Variants in TECPR2 observed in about 807,000 individuals in gnomAD.
TECPR2 encodes the protein tectonin beta-propeller repeat-containing protein 2.
Under a neutral mutation model 138.1 loss-of-function variants are expected in TECPR2, and 65 were observed. That is an observed-to-expected ratio of 0.47 (90% CI 0.39 to 0.58). TECPR2 has a LOEUF of 0.58. TECPR2 is among the 20% of genes least tolerant of loss of function. The probability of loss-of-function intolerance (pLI) is 0.00; values close to 1 mark genes in which losing one functional copy is unlikely to be tolerated. For synonymous variants in TECPR2, 746 were observed against 749.8 expected, an observed-to-expected ratio of 0.99 and a Z score of 0.08; for missense variants, 1,553 against 1,824.5, an observed-to-expected ratio of 0.85 and a Z score of 2.71.
chr14:102,420,376 T>C lies in TECPR2; in HGVS notation c.639-4603T>C, dbSNP rs954316539. Among the ~76,000 whole-genome samples the C allele has an allele frequency of 4.4e-4, 67 of 152,330 alleles. 1 individual carries two copies. In the Middle Eastern group the frequency reaches 0.01, roughly 23 times the overall value. ...ACTGCAGAATCGCACTGCAAGTGGA[T>C]GGTGGCTGAGTCGGGGGCTTAGGAC... is the stretch of plus-strand genomic sequence containing the variant. On this transcript the variant is annotated intron_variant, in intron 5 of 19. Transcript: ENST00000359520. The surrounding 1 kb of genome is among the most constrained non-coding windows in gnomAD (Gnocchi z 4.1).
chr14:102,452,660 C>T (rs1167192797), intron 16 of TECPR2, 33 bp downstream of exon 16: 23 of 1,508,836 alleles, frequency 1.5e-5, no homozygotes, highest in East Asian at 2.4e-5. Flanking sequence ...CCTGCCGGTG[C>T]CCTGACTGCC....
At chr14:102,455,492 G>A (rs1312924672) in intron 16 of TECPR2, among the ~76,000 whole-genome samples, 1 of 152,188 alleles carries the variant, frequency 6.6e-6, no homozygotes, top group African/African-American at 2.4e-5. Context: ...TGTCATCCAG[G>A]CTAGAGTGCA....
At chr14:102,434,170 C>A in intron 8 of TECPR2, 65 bp from the exon 9 acceptor site, 3 of 1,314,358 alleles carry the variant, frequency 2.3e-6, no homozygotes, top group Non-Finnish European at 2.9e-6. Flanking sequence ...AATATGTGTG[C>A]AAGTTAGTCT....
At chr14:102,367,193 G>A (rs1887365669) in intron 1 of TECPR2, among the ~76,000 whole-genome samples, 1 of 152,108 alleles carries the variant, frequency 6.6e-6, no homozygotes, top group African/African-American at 2.4e-5. Flanking sequence ...AGAATGGGTA[G>A]TATGGTCTGA....
chr14:102,423,362 G>A (rs144056614), intron 5 of TECPR2, among the ~76,000 whole-genome samples: 17 of 152,076 alleles, frequency 1.1e-4, no homozygotes, highest in African/African-American at 4.1e-4. Context: ...AACCCAAGAG[G>A]GAGAGGTTCC....
At chr14:102,391,498 A>G (rs1597779306) in intron 2 of TECPR2, among the ~76,000 whole-genome samples, 2 of 152,160 alleles carry the variant, frequency 1.3e-5, no homozygotes, top group South Asian at 4.1e-4. Flanking sequence ...AAGAGCTTCA[A>G]AGGTGCTGTT....
At chr14:102,374,035 G>A (rs956129038) in intron 1 of TECPR2, among the ~76,000 whole-genome samples, 2 of 144,054 alleles carry the variant, frequency 1.4e-5, no homozygotes, top group African/African-American at 5.2e-5. Flanking sequence ...TCGCACCACC[G>A]CACTCCAGCT....
chr14:102,444,651 G>A (rs1311980812), intron 12 of TECPR2, among the ~76,000 whole-genome samples: 3 of 152,068 alleles, frequency 2.0e-5, no homozygotes, highest in Admixed American at 1.3e-4. Flanking sequence ...AATTTAGCAA[G>A]CCAATAAACT....
intron 1 of TECPR2, 75 bp from the exon 2 acceptor site, chr14:102,376,575 C>T: frequency 1.5e-6 from 1 of 681,114 alleles, no homozygotes; most frequent in East Asian, 2.7e-5. Context: ...CTAAAAGTTC[C>T]ATGTTGCCAG....
intron 16 of TECPR2, among the ~76,000 whole-genome samples, chr14:102,455,825 C>T (rs1206485888): frequency 6.6e-6 from 1 of 152,228 alleles, no homozygotes; most frequent in Non-Finnish European, 1.5e-5. Context: ...GTTGGCCAGT[C>T]TGGTCCTGAA....
chr14:102,496,817 G>A (rs1331741660), intron 17 of TECPR2, 162 bp from the exon 18 acceptor site: 24 of 1,041,496 alleles, frequency 2.3e-5, no homozygotes, highest in South Asian at 4.7e-5. Flanking sequence ...CATCTCCCCC[G>A]TGAGACTGGC....
In TECPR2 at chr14:102,382,229, G is replaced by A. The variant is rs925695784; in HGVS notation, c.219+5289G>A. On this transcript the variant is annotated intron_variant, in intron 2 of 19. Coordinates refer to ENST00000359520, the MANE Select transcript of TECPR2 (RefSeq NM_014844.5). ...AATTGCTTGAACCCAGGAGGCAGAG[G>A]TTGCAGTGAGCCAAGATCGCGCCAT... Among the ~76,000 whole-genome samples the A allele has an allele frequency of 2.6e-5, 4 of 151,900 alleles. No individual in the cohort carries two copies. The Middle Eastern group carries it at 0.01, about 388-fold the overall frequency.
In TECPR2 at chr14:102,497,704, G is replaced by C. The variant is rs753581977; in HGVS notation, c.4066G>C (p.Val1356Leu). Reference protein sequence around the residue: ...GDYWKKIPGSVSCFTVTASDE... With the variant: ...GDYWKKIPGSLSCFTVTASDE... ...CTACTGGAAGAAAATTCCCGGCAGC[G>C]TGTCGTGTTTCACAGGCAGGTGCCC... Residue 1356 changes from valine (V) to leucine (L), a missense_variant, in exon 19 of 20, where the codon GTG becomes CTG. By Grantham distance (32) the Val-to-Leu change is conservative. Transcript: ENST00000359520. The C allele has an allele frequency of 6.2e-7, 1 of 1,606,454 alleles. No homozygotes were observed. The highest frequency in any genetic ancestry group is 1.3e-5 in the African/African-American group (1 of 74,956).
chr14:102,478,813 C>A (rs1396745820), intron 17 of TECPR2, among the ~76,000 whole-genome samples: 1 of 151,958 alleles, frequency 6.6e-6, no homozygotes, highest in Non-Finnish European at 1.5e-5. Flanking sequence ...CTCAGGAGTT[C>A]AGGACCAGCC....
chr14:102,483,889 C>T (rs111289422), intron 17 of TECPR2, among the ~76,000 whole-genome samples: 22,625 of 136,412 alleles, frequency 0.17, 3,362 homozygotes, highest in African/African-American at 0.4. Context: ...CTCTGCCCCC[C>T]GGGTTCAAGC....
intron 1 of TECPR2, among the ~76,000 whole-genome samples, chr14:102,368,775 A>G (rs552059537): frequency 6.6e-6 from 1 of 152,266 alleles, no homozygotes; most frequent in Non-Finnish European, 1.5e-5. Flanking sequence ...AGACCATGGC[A>G]GCAGTGTAGG....
intron 12 of TECPR2, among the ~76,000 whole-genome samples, chr14:102,444,528 A>ATT (rs979836216): frequency 6.8e-6 from 1 of 147,126 alleles, no homozygotes; most frequent in Non-Finnish European, 1.5e-5. Context: ...TTATTAAGCT[A>ATT]TTTTTTTTTT....
In TECPR2 at chr14:102,498,433, GC is replaced by G; in HGVS notation, c.*178del. Reference sequence around the variant, plus strand: ...TTTCTGTCTCGTTCCAGAACCCACAGCCTCCACCCGTGGCTGGCGTGATTGC... The same window carrying G: ...TTTCTGTCTCGTTCCAGAACCCACAGCTCCACCCGTGGCTGGCGTGATTGC... On this transcript the variant is annotated 3_prime_UTR_variant, in exon 20 of 20. Transcript: ENST00000359520. 1 of 838,662 alleles carries G rather than the reference GC, an allele frequency of 1.2e-6. No homozygotes were observed. Among genetic ancestry groups the G allele is most frequent in the Non-Finnish European group, 1.8e-6 (1 of 555,394 alleles). 52.0% of individuals were successfully genotyped at this position (838,662 alleles called of 1,614,324 possible). A position where few individuals can be genotyped will look rare whatever the true frequency, so the allele number is the denominator to read the frequency against.
chr14:102,368,841 C>A (rs1224068356), intron 1 of TECPR2, among the ~76,000 whole-genome samples: 1 of 152,082 alleles, frequency 6.6e-6, no homozygotes, highest in Non-Finnish European at 1.5e-5. Flanking sequence ...GAGGAGGCGC[C>A]AGGCTTGAGG....
Sources: allele counts gnomAD v4.1 joint callset (sites outside exome capture counted in the v4.1 genomes callset), GRCh38; gene constraint gnomAD v4.1.1; non-coding constraint Gnocchi (gnomAD v3.1); transcripts MANE v1.5; gene names NCBI Gene and HGNC (gene_info 2026-07-23, HGNC 2026-07-21).